DNAH11: variants seen among roughly 807,000 people sequenced by gnomAD.
The protein encoded by DNAH11 is axonemal beta dynein heavy chain 11.
Under a neutral mutation model 526.0 loss-of-function variants are expected in DNAH11, and 442 were observed. That is an observed-to-expected ratio of 0.84 (90% CI 0.78 to 0.91). DNAH11 has a LOEUF of 0.91. Ranked by LOEUF, DNAH11 falls within the 40% of genes least tolerant of loss-of-function variation. DNAH11 has a pLI of 0.00. For missense variants in DNAH11, 6,989 were observed against 5,448.7 expected (o/e 1.28, Z -8.90); for synonymous variants, 2,461 against 1,935.9 (o/e 1.27, Z -7.12).
At chr7:21,858,725 G>C (rs544948355) in intron 68 of DNAH11, among the ~76,000 whole-genome samples, 4 of 152,172 alleles carry the variant, frequency 2.6e-5, no homozygotes, top group Non-Finnish European at 5.9e-5. Context: ...ATGGTGGTGG[G>C]AATAGGCTGT....
rs182547145 is a variant in DNAH11 at position 21,680,805 on chromosome 7, G to A, written c.5329-741G>A. Among the ~76,000 whole-genome samples, 31 of 152,260 alleles carry A rather than the reference G, an allele frequency of 2.0e-4. No individual in the cohort carries two copies. In the East Asian group the frequency reaches 4.8e-3, roughly 24 times the overall value. ...TTTTTTCAGTAGTCATCACTATCTTGTATTTTTAAAAACCAAAGCAAACAC... is the reference window on the plus strand; with the variant it reads ...TTTTTTCAGTAGTCATCACTATCTTATATTTTTAAAAACCAAAGCAAACAC... On this transcript the variant is annotated intron_variant, in intron 30 of 81. Transcript: ENST00000409508.
chr7:21,789,885 TTTCTTTCC>T (rs1336777392), intron 61 of DNAH11, among the ~76,000 whole-genome samples: 1 of 147,960 alleles, frequency 6.8e-6, no homozygotes, highest in African/African-American at 2.6e-5. Flanking sequence ...TCTTTCTTTC[TTTCTTTCC>T]TTTCCCCTCC....
In DNAH11 at chr7:21,824,031, G is replaced by A. The variant is rs564966747; in HGVS notation, c.10691+5692G>A. ...TATAAAGCTAGAGGACACACCTTCC[G>A]TTTAAGGGTAAATTTGTTAAAATTA... On this transcript the variant is annotated intron_variant, in intron 65 of 81. Transcript: ENST00000409508. Among the ~76,000 whole-genome samples, 15 of 145,040 alleles carry A rather than the reference G, an allele frequency of 1.0e-4. No homozygotes were observed. The South Asian group carries it at 1.5e-3, about 15-fold the overall frequency.
chr7:21,708,289 G>T (rs573044415), intron 40 of DNAH11, among the ~76,000 whole-genome samples: 2 of 152,146 alleles, frequency 1.3e-5, no homozygotes, highest in Non-Finnish European at 2.9e-5. Flanking sequence ...CAGTAAATGC[G>T]CTAACCTTGG....
rs1279459369 is a variant in DNAH11 at position 21,899,360 on chromosome 7, C to T, written c.13074C>T (p.Cys4358=). 1.9e-6 allele frequency: 3 copies of T among 1,613,892 alleles called. No homozygotes were observed. The African/African-American group carries it at 4.0e-5, about 22-fold the overall frequency. Residue 4358 remains cysteine (C), a synonymous_variant, in exon 80 of 82, where the codon TGC becomes TGT. Coordinates refer to ENST00000409508, the MANE Select transcript of DNAH11 (RefSeq NM_001277115.2). ...GGTTCAATGACCTCCTCCTGCGATG[C>T]CGAGAACTCGATACTTGGACACAAG... ...AQWFNDLLLR[C]RELDTWTQDL...
chr7:21,617,849 G>C (rs1258354674), intron 23 of DNAH11, 72 bp downstream of exon 23: 16 of 1,422,490 alleles, frequency 1.1e-5, no homozygotes, highest in Non-Finnish European at 1.4e-5. Flanking sequence ...TGCATCATCT[G>C]AGATGAAGTG....
chr7:21,707,302 C>T (rs1784306636), intron 39 of DNAH11, among the ~76,000 whole-genome samples: 2 of 152,176 alleles, frequency 1.3e-5, no homozygotes, highest in Admixed American at 1.3e-4. Flanking sequence ...TATTTTAATA[C>T]CCTCCAAACA....
intron 25 of DNAH11, among the ~76,000 whole-genome samples, chr7:21,622,897 C>T (rs1410275577): frequency 1.3e-5 from 2 of 152,104 alleles, no homozygotes; most frequent in Non-Finnish European, 2.9e-5. Context: ...CCATTCAGGA[C>T]ATAGGCATGG....
intron 2 of DNAH11, among the ~76,000 whole-genome samples, chr7:21,552,675 T>C (rs1047929815): frequency 1.3e-5 from 2 of 152,182 alleles, no homozygotes; most frequent in African/African-American, 4.8e-5. Flanking sequence ...CGAAATACAT[T>C]TGGGGCTTCC....
In DNAH11 at chr7:21,658,955, C is replaced by T. The variant is rs1421235516; in HGVS notation, c.5252C>T (p.Thr1751Ile). Residue 1751 changes from threonine to isoleucine, a missense_variant, in exon 30 of 82, where the codon ACC (threonine) becomes ATC (isoleucine). Coordinates refer to ENST00000409508, the MANE Select transcript of DNAH11 (RefSeq NM_001277115.2). Reference sequence around the variant, plus strand: ...CTAACCAGCTCACAAATATGGTGGACCACAGATGTAGGAATAGCCTTCAGT... The same window carrying T: ...CTAACCAGCTCACAAATATGGTGGATCACAGATGTAGGAATAGCCTTCAGT... ...VALTSSQIWW[T>I]TDVGIAFSRL... 1.2e-6 allele frequency: 2 copies of T among 1,610,754 alleles called. No homozygotes were observed. The highest frequency in any genetic ancestry group is 1.7e-6 in the Non-Finnish European group (2 of 1,178,624).
chr7:21,746,075 C>G (rs1174167366), intron 51 of DNAH11, among the ~76,000 whole-genome samples: 1 of 152,154 alleles, frequency 6.6e-6, no homozygotes, highest in African/African-American at 2.4e-5. Flanking sequence ...TGATTTTATT[C>G]TAAGTGCAGT....
chr7:21,701,492 G>C (rs1424590401), intron 36 of DNAH11, among the ~76,000 whole-genome samples: 1 of 152,018 alleles, frequency 6.6e-6, no homozygotes, highest in Non-Finnish European at 1.5e-5. Context: ...GTTTCCCCCT[G>C]TTGCCCAGGC....
chr7:21,620,715 TC>T (rs887426110), intron 25 of DNAH11, among the ~76,000 whole-genome samples: 1 of 68,422 alleles, frequency 1.5e-5, no homozygotes, highest in African/African-American at 6.1e-5. Flanking sequence ...CCCTCCCCCC[TC>T]CCCCCACCCC....
At chr7:21,825,067 C>T (rs1020611254) in intron 65 of DNAH11, among the ~76,000 whole-genome samples, 5 of 152,060 alleles carry the variant, frequency 3.3e-5, no homozygotes, top group East Asian at 1.9e-4. Flanking sequence ...AAACAGGTTT[C>T]GCCATGTTGA....
At chr7:21,855,100 T>C (rs10270543) in intron 68 of DNAH11, among the ~76,000 whole-genome samples, 106,373 of 147,500 alleles carry the variant, frequency 0.72, 38,760 homozygotes, top group African/African-American at 0.76. Flanking sequence ...GGCGCGATCT[T>C]GGCTCACTGC....
chr7:21,625,358 A>G (rs79811102), intron 25 of DNAH11, among the ~76,000 whole-genome samples: 7,704 of 152,114 alleles, frequency 0.051, 217 homozygotes, highest in Middle Eastern at 0.071. Flanking sequence ...TATCAGTTGT[A>G]ATAACTCTTC....
chr7:21,693,781 A>G (rs920604555), intron 35 of DNAH11, among the ~76,000 whole-genome samples: 1 of 152,154 alleles, frequency 6.6e-6, no homozygotes, highest in Non-Finnish European at 1.5e-5. Flanking sequence ...TCACACTGCT[A>G]TAAGTAACTA....
At chr7:21,792,795 GGTTA>G (rs1388652733) in intron 61 of DNAH11, among the ~76,000 whole-genome samples, 6 of 151,466 alleles carry the variant, frequency 4.0e-5, no homozygotes, top group Non-Finnish European at 7.4e-5. Context: ...TTGCTTTATA[GGTTA>G]GTTGATTTTG....
At chr7:21,609,196 CTTTCCT>C (rs979836094) in intron 20 of DNAH11, among the ~76,000 whole-genome samples, 1 of 151,874 alleles carries the variant, frequency 6.6e-6, no homozygotes, top group African/African-American at 2.4e-5. Context: ...TCTTCCTTTC[CTTTCCT>C]TTTCCTTTCG....
Sources: gnomAD v4.1 joint callset for allele counts (sites outside exome capture counted in the v4.1 genomes callset) on GRCh38, gnomAD v4.1.1 for gene constraint, MANE v1.5 for transcripts, NCBI Gene and HGNC (gene_info 2026-07-23, HGNC 2026-07-21) for gene names.